The following AAK1 variants were observed in gnomAD, a reference collection of about 807,000 sequenced individuals.
AAK1 encodes AP2 associated kinase 1, also known as AP2-associated protein kinase 1.
A neutral mutation model predicts 116.0 loss-of-function variants in AAK1; 37 were observed. The ratio of observed to expected loss-of-function variants is 0.32; its 90% confidence interval spans 0.25 to 0.42. AAK1 has a LOEUF of 0.42. Among genes scored for constraint, AAK1 ranks in the 10% least tolerant of loss-of-function variants. The pLI is 1.00. For synonymous variants in AAK1, 458 were observed against 439.9 expected (o/e 1.04, Z -0.51); for missense variants, 919 against 1,170.6 (o/e 0.79, Z 3.14).
intron 2 of AAK1, among the ~76,000 whole-genome samples, chr2:69,600,800 C>A (rs934886013): frequency 6.6e-6 from 1 of 152,114 alleles, no homozygotes; most frequent in African/African-American, 2.4e-5. Context: ...GACAACTCTT[C>A]CTCTTCTTCA....
chr2:69,496,106 G>C, intron 16 of AAK1, 26 bp from the exon 17 acceptor site: 2 of 1,515,940 alleles, frequency 1.3e-6, no homozygotes, highest in Non-Finnish European at 1.8e-6. Flanking sequence ...AGGGGAAGGA[G>C]GAGTCAGGAG....
In AAK1 at chr2:69,467,974, G is replaced by A. The variant is rs1178619506; in HGVS notation, c.*7895C>T. 6.1e-6 allele frequency: 6 copies of A among 985,368 alleles called. No homozygotes were observed. In the South Asian group the frequency reaches 2.8e-4, roughly 46 times the overall value. 61.0% of individuals were successfully genotyped at this position (985,368 alleles called of 1,614,324 possible). On this transcript the variant is annotated 3_prime_UTR_variant, in exon 22 of 22. Coordinates refer to ENST00000409085, the MANE Select transcript of AAK1 (RefSeq NM_014911.5). ...ACCTTAAATATTGTTTTCAGAAACA[G>A]AACAAAAATGTGTTTGTCCTCCATT... is the stretch of plus-strand genomic sequence containing the variant.
At chr2:69,622,950 G>A (rs1204879818) in intron 2 of AAK1, among the ~76,000 whole-genome samples, 1 of 151,526 alleles carries the variant, frequency 6.6e-6, no homozygotes, top group African/African-American at 2.4e-5. Flanking sequence ...CTGTAAAATG[G>A]ACCAATCAGC....
At position 69,643,253 on chromosome 2, in the gene AAK1, A is replaced by C. The variant is rs1211657038; in HGVS notation, c.-213T>G. Reference sequence around the variant, plus strand: ...CAGCGGGTCCCCTCCTCCTCCAGAAAGCGATTCGTGTAAGTTTAAACCTGT... The same window carrying C: ...CAGCGGGTCCCCTCCTCCTCCAGAACGCGATTCGTGTAAGTTTAAACCTGT... On this transcript the variant is annotated 5_prime_UTR_variant, in exon 2 of 22. Coordinates refer to ENST00000409085, the MANE Select transcript of AAK1 (RefSeq NM_014911.5). 1 of 1,410,432 alleles carries C rather than the reference A, an allele frequency of 7.1e-7. No individual in the cohort carries two copies. Among genetic ancestry groups the C allele is most frequent in the Admixed American group, 3.2e-5 (1 of 31,510 alleles). The allele number at this position is 1,410,432 out of a possible 1,614,324, so 87.4% of individuals were successfully genotyped here. A position where few individuals can be genotyped will look rare whatever the true frequency, so the allele number is the denominator to read the frequency against.
chr2:69,553,782 A>C (rs1671283064), intron 3 of AAK1, among the ~76,000 whole-genome samples: 1 of 151,650 alleles, frequency 6.6e-6, no homozygotes, highest in Non-Finnish European at 1.5e-5. Flanking sequence ...CCATGTATCA[A>C]AAAGCTACTG....
chr2:69,521,477 G>A (rs1201537200), intron 10 of AAK1, among the ~76,000 whole-genome samples: 2 of 152,214 alleles, frequency 1.3e-5, no homozygotes, highest in Admixed American at 1.3e-4. Flanking sequence ...GCATGCAGAT[G>A]AGTGAATCCA....
chr2:69,510,563 C>T (rs1469316633), intron 13 of AAK1, among the ~76,000 whole-genome samples: 2 of 152,140 alleles, frequency 1.3e-5, no homozygotes, highest in Non-Finnish European at 2.9e-5. Flanking sequence ...GAGTATACAC[C>T]CAGTAATGGG....
intron 17 of AAK1, among the ~76,000 whole-genome samples, chr2:69,484,877 A>AAAT (rs1675230877): frequency 6.6e-6 from 1 of 151,890 alleles, no homozygotes; most frequent in East Asian, 1.9e-4. Flanking sequence ...TCAAAAAAAA[A>AAAT]AATAATAATA....
At chr2:69,610,573 G>A (rs891184101) in intron 2 of AAK1, among the ~76,000 whole-genome samples, 1 of 152,152 alleles carries the variant, frequency 6.6e-6, no homozygotes, top group African/African-American at 2.4e-5. Context: ...GGCAATCCAT[G>A]GAATGGAAGG....
chr2:69,551,653 G>A (rs1671186735), intron 3 of AAK1, among the ~76,000 whole-genome samples: 1 of 152,202 alleles, frequency 6.6e-6, no homozygotes, highest in South Asian at 2.1e-4. Context: ...CACATCTGGA[G>A]CTGTAGCTAT....
intron 5 of AAK1, among the ~76,000 whole-genome samples, chr2:69,537,007 G>A (rs1670503243): frequency 6.6e-6 from 1 of 152,154 alleles, no homozygotes; most frequent in African/African-American, 2.4e-5. Flanking sequence ...TAAGTGCTTG[G>A]ACAAATAGCA....
intron 6 of AAK1, 140 bp from the exon 7 acceptor site, chr2:69,530,846 G>C: frequency 1.6e-6 from 1 of 630,388 alleles, no homozygotes; most frequent in Non-Finnish European, 2.7e-6. Flanking sequence ...AATATTAGTA[G>C]AGATAAAATG....
intron 2 of AAK1, among the ~76,000 whole-genome samples, chr2:69,625,384 C>T (rs1460551071): frequency 6.6e-6 from 1 of 152,244 alleles, no homozygotes; most frequent in African/African-American, 2.4e-5. Flanking sequence ...AGGGCCATTT[C>T]ATTGAAGAGC....
rs879888409 is a variant in AAK1, at chr2:69,475,862, G to C, written c.*7C>G. 23 of 1,610,024 alleles carry C rather than the reference G, an allele frequency of 1.4e-5. No homozygotes were observed. Among genetic ancestry groups the C allele is most frequent in the Non-Finnish European group, 2.0e-5 (23 of 1,178,176 alleles). ...GTTACAGAACTGCATCTGCTACTGG[G>C]TCACGGCTACAGGTCTATGAGCTGA... On this transcript the variant is annotated 3_prime_UTR_variant, in exon 22 of 22. Transcript: ENST00000409085.
At chr2:69,486,904 G>T (rs1225571095) in intron 17 of AAK1, among the ~76,000 whole-genome samples, 1 of 152,016 alleles carries the variant, frequency 6.6e-6, no homozygotes, top group Non-Finnish European at 1.5e-5. Context: ...ATGGTCCCAG[G>T]GACAACGGTA....
intron 16 of AAK1, among the ~76,000 whole-genome samples, chr2:69,496,365 C>T (rs1285496533): frequency 1.3e-5 from 2 of 151,860 alleles, no homozygotes; most frequent in Non-Finnish European, 2.9e-5. Flanking sequence ...CTCCGCCTCC[C>T]GGTTCAAGCG....
At chr2:69,550,556 G>A (rs907445848) in intron 3 of AAK1, among the ~76,000 whole-genome samples, 3 of 151,840 alleles carry the variant, frequency 2.0e-5, no homozygotes, top group Non-Finnish European at 2.9e-5. Flanking sequence ...ACCGCCCAAA[G>A]TGCTGGGAGT....
chr2:69,542,569 G>A lies in AAK1; in HGVS notation c.488C>T (p.Ala163Val), dbSNP rs1337861019. The part of the protein sequence containing the change: ...QIFCDTCEAV[A>V]RLHQCKTPII... The stretch of plus-strand genomic sequence containing the variant: ...AGGAGTTTTGCACTGATGCAGGCGG[G>A]CAACAGCTTCACAGGTATCACAAAA... Residue 163 changes from alanine (A) to valine (V), a missense_variant, in exon 5 of 22, where the codon GCC (alanine) becomes GTC (valine). This residue lies in a region of AAK1 where 317 missense variants were observed against 490.4 expected (regional missense o/e 0.65). Coordinates refer to ENST00000409085, the MANE Select transcript of AAK1 (RefSeq NM_014911.5). The A allele has an allele frequency of 6.2e-7, 1 of 1,614,020 alleles. No homozygotes were observed. Among genetic ancestry groups the A allele is most frequent in the South Asian group, 1.1e-5 (1 of 91,082 alleles).
intron 2 of AAK1, among the ~76,000 whole-genome samples, chr2:69,585,904 A>AATTTC (rs1672743808): frequency 6.6e-6 from 1 of 152,274 alleles, no homozygotes; most frequent in Admixed American, 6.5e-5. Context: ...AGCTATTGAA[A>AATTTC]AGCACTAAAG....
Sources: allele counts gnomAD v4.1 joint callset (sites outside exome capture counted in the v4.1 genomes callset), GRCh38; gene constraint gnomAD v4.1.1; regional missense constraint gnomAD v4.1.1; transcripts MANE v1.5; gene names NCBI Gene and HGNC (gene_info 2026-07-23, HGNC 2026-07-21).